CRK: variants seen among roughly 807,000 people sequenced by gnomAD.
The protein encoded by CRK is adapter molecule crk.
CRK carries 4 observed loss-of-function variants against 29.8 expected under a neutral mutation model. The ratio of observed to expected loss-of-function variants is 0.13; its 90% CI spans 0.07 to 0.31. The LOEUF (loss-of-function observed/expected upper bound fraction) is 0.31, where lower values mean the gene tolerates loss of function less well. Among genes scored for constraint, CRK ranks in the 10% least tolerant of loss-of-function variants. The probability of loss-of-function intolerance (pLI) is 1.00; values close to 1 mark genes in which losing one functional copy is unlikely to be tolerated. For missense variants in CRK, 274 were observed against 396.5 expected, an observed-to-expected ratio of 0.69 and a Z score of 2.62; for synonymous variants, 153 against 164.9, an observed-to-expected ratio of 0.93 and a Z score of 0.55.
chr17:1,443,373 C>A (rs753064279), intron 1 of CRK, among the ~76,000 whole-genome samples: 1 of 151,830 alleles, frequency 6.6e-6, no homozygotes, highest in Non-Finnish European at 1.5e-5. Context: ...CAACACACAG[C>A]TAATTTTTGT....
intron 2 of CRK, among the ~76,000 whole-genome samples, chr17:1,427,306 A>ATT (rs2073790563): frequency 6.7e-6 from 1 of 149,632 alleles, no homozygotes; most frequent in African/African-American, 2.5e-5. Context: ...AAAAAAAAAG[A>ATT]ATCTTGGCCG....
chr17:1,421,658 G>C lies in CRK; in HGVS notation c.*1855C>G, dbSNP rs1027810597. The C allele has an allele frequency of 6.6e-6, 1 of 152,140 alleles. No homozygotes were observed. The highest frequency in any genetic ancestry group is 2.4e-5 in the African/African-American group (1 of 41,428). The allele number at this position is 152,140 out of a possible 1,614,324, so 9.4% of individuals were successfully genotyped here. ...GCTGGCTTCCCTGTGCCACGTCACC[G>C]GTTTCTCAGGTCTCCTCATTCACTC... On this transcript the variant is annotated 3_prime_UTR_variant, in exon 3 of 3. Transcript: ENST00000300574.
In CRK at chr17:1,453,602, A is replaced by G. The variant is rs545716250; in HGVS notation, c.241+2275T>C. ...TTGTGAGCTTATAGACCCCATACTC[A>G]TTTTTAAAAAATGGTTGTGTTAGAC... On this transcript the variant is annotated intron_variant, in intron 1 of 2. Coordinates refer to ENST00000300574, the MANE Select transcript of CRK (RefSeq NM_016823.4). Among the ~76,000 whole-genome samples, 46 of 152,292 alleles carry G rather than the reference A, an allele frequency of 3.0e-4. No individual in the cohort carries two copies. The South Asian group carries it at 6.4e-3, about 21-fold the overall frequency.
chr17:1,444,730 G>C (rs553572538), intron 1 of CRK, among the ~76,000 whole-genome samples: 1 of 152,076 alleles, frequency 6.6e-6, no homozygotes, highest in Admixed American at 6.5e-5. Context: ...CTACTTGGGA[G>C]GCTGAGGCAG....
chr17:1,446,253 C>A (rs920572406), intron 1 of CRK, among the ~76,000 whole-genome samples: 29 of 152,132 alleles, frequency 1.9e-4, no homozygotes, highest in Non-Finnish European at 3.7e-4. Flanking sequence ...TTCACCTTCA[C>A]CTGGATCTAT....
At chr17:1,437,490 G>C (rs2073895761) in intron 1 of CRK, among the ~76,000 whole-genome samples, 1 of 152,124 alleles carries the variant, frequency 6.6e-6, no homozygotes, top group Admixed American at 6.6e-5. Context: ...TGGGAAGAAA[G>C]ATGCCCATCA....
chr17:1,436,526 C>T, intron 2 of CRK, 94 bp downstream of exon 2: 1 of 1,341,700 alleles, frequency 7.5e-7, no homozygotes, highest in South Asian at 1.6e-5. Flanking sequence ...TACAACATCC[C>T]AATGCTGTAG....
At chr17:1,427,941 C>T (rs2073797617) in intron 2 of CRK, among the ~76,000 whole-genome samples, 1 of 150,740 alleles carries the variant, frequency 6.6e-6, no homozygotes, top group Non-Finnish European at 1.5e-5. Context: ...CCTATATTGT[C>T]TTTATTCTTA....
chr17:1,455,014 G>A (rs1274132996), intron 1 of CRK, among the ~76,000 whole-genome samples: 1 of 152,174 alleles, frequency 6.6e-6, no homozygotes, highest in African/African-American at 2.4e-5. Context: ...ACGCCCTGAA[G>A]TACACACCGA....
At chr17:1,436,572 G>A (rs756264828) in intron 2 of CRK, 48 bp downstream of exon 2, 7 of 1,540,716 alleles carry the variant, frequency 4.5e-6, no homozygotes, top group Non-Finnish European at 5.2e-6. Context: ...GGACCGAGAG[G>A]AGACCCTGCA....
At chr17:1,451,172 G>GAC (rs1228420449) in intron 1 of CRK, among the ~76,000 whole-genome samples, 3 of 115,638 alleles carry the variant, frequency 2.6e-5, no homozygotes, top group African/African-American at 1.0e-4. Flanking sequence ...CAGCCTCGGT[G>GAC]ACAGAGCGAG....
chr17:1,423,347 A>T lies in CRK; in HGVS notation c.*166T>A. 1.2e-6 allele frequency: 1 copy of T among 847,020 alleles called. No individual in the cohort carries two copies. The highest frequency in any genetic ancestry group is 1.8e-6 in the Non-Finnish European group (1 of 566,972). 52.5% of individuals were successfully genotyped at this position (847,020 alleles called of 1,614,324 possible). ...CTCCAGTTCGTACCCTGAATATGGTAATTAAGACTAGGAATGGAGCAGTTC... is the reference window on the plus strand; with the variant it reads ...CTCCAGTTCGTACCCTGAATATGGTTATTAAGACTAGGAATGGAGCAGTTC... On this transcript the variant is annotated 3_prime_UTR_variant, in exon 3 of 3. Coordinates refer to ENST00000300574, the MANE Select transcript of CRK (RefSeq NM_016823.4).
Position 1,423,559 on chromosome 17 carries a change from T to C in CRK, c.869A>G (p.His290Arg), listed in dbSNP as rs2073748199. Residue 290 changes from histidine (H) to arginine (R), a missense_variant, in exon 3 of 3, where the codon CAT (histidine) becomes CGT (arginine). Physicochemically the swap from His to Arg is conservative, Grantham distance 29 (BLOSUM62 0). Coordinates refer to ENST00000300574, the MANE Select transcript of CRK (RefSeq NM_016823.4). ...ATTCTGTTGATCCAGCAGACGGACA[T>C]GTGTGAATGGGAAGTGACCTCGTTT... is the stretch of plus-strand genomic sequence containing the variant. ...NGKRGHFPFT[H>R]VRLLDQQNPD... is the part of the protein sequence containing the mutation. 1 of 1,614,134 alleles carries C rather than the reference T, an allele frequency of 6.2e-7. No homozygotes were observed. The highest frequency in any genetic ancestry group is 2.2e-5 in the East Asian group (1 of 44,888).
chr17:1,433,299 A>C (rs542540520), intron 2 of CRK, among the ~76,000 whole-genome samples: 1 of 152,316 alleles, frequency 6.6e-6, no homozygotes, highest in South Asian at 2.1e-4. Context: ...CCAGCAGCAC[A>C]TCACTGACTG....
intron 1 of CRK, among the ~76,000 whole-genome samples, chr17:1,440,266 T>C (rs2073924138): frequency 6.7e-6 from 1 of 149,930 alleles, no homozygotes; most frequent in Admixed American, 6.7e-5. Context: ...GCCACTGCAC[T>C]CCAGCCTGGG....
chr17:1,435,468 A>G (rs1269308725), intron 2 of CRK, among the ~76,000 whole-genome samples: 1 of 10,320 alleles, frequency 9.7e-5, no homozygotes, highest in African/African-American at 1.6e-3. Flanking sequence ...AGCAGAGAGG[A>G]AAAAAAAAAA....
chr17:1,424,941 G>A (rs1180187930), intron 2 of CRK: 2 of 151,982 alleles, frequency 1.3e-5, no homozygotes, highest in East Asian at 2.0e-4. Context: ...TTGAGCCCAG[G>A]AGGCAGAGGT....
At chr17:1,440,488 GA>G (rs998034864) in intron 1 of CRK, among the ~76,000 whole-genome samples, 1 of 150,908 alleles carries the variant, frequency 6.6e-6, no homozygotes, top group Non-Finnish European at 1.5e-5. Context: ...ATAAATGTTT[GA>G]AAAAAAATGA....
intron 1 of CRK, among the ~76,000 whole-genome samples, chr17:1,442,046 A>G (rs976949751): frequency 1.0e-4 from 15 of 150,636 alleles, no homozygotes; most frequent in Admixed American, 2.0e-4. Flanking sequence ...TTGTAGAGAC[A>G]GGGTTTCACC....
Sources: gnomAD v4.1 joint callset for allele counts (sites outside exome capture counted in the v4.1 genomes callset) on GRCh38, gnomAD v4.1.1 for gene constraint, MANE v1.5 for transcripts, NCBI Gene and HGNC (gene_info 2026-07-23, HGNC 2026-07-21) for gene names.